The following EPHA5 variants were observed in gnomAD, a reference collection of about 807,000 sequenced individuals.
EPHA5 encodes ephrin type-A receptor 5.
In EPHA5, 60 loss-of-function variants were observed where a neutral mutation model predicts 105.0. The observed-to-expected ratio is 0.57, with a 90% CI of 0.46 to 0.71. EPHA5 has a LOEUF of 0.71. EPHA5 is among the 30% of genes least tolerant of loss of function. The pLI, the probability that EPHA5 is intolerant of heterozygous loss-of-function variation, is 0.00. For synonymous variants in EPHA5, 513 were observed against 449.1 expected, an observed-to-expected ratio of 1.14 and a Z score of -1.80; for missense variants, 1,218 against 1,274.7, an observed-to-expected ratio of 0.96 and a Z score of 0.68.
At chr4:65,393,810 A>G (rs1440407262) in intron 8 of EPHA5, among the ~76,000 whole-genome samples, 2 of 152,172 alleles carry the variant, frequency 1.3e-5, no homozygotes, top group Non-Finnish European at 2.9e-5. Context: ...TAAATCCAAG[A>G]CAACAACATA....
At chr4:65,562,693 CA>C (rs1473970624) in intron 3 of EPHA5, among the ~76,000 whole-genome samples, 1 of 151,998 alleles carries the variant, frequency 6.6e-6, no homozygotes, top group African/African-American at 2.4e-5. Context: ...TTACAATTCT[CA>C]AAAGGCAAGA....
intron 1 of EPHA5, among the ~76,000 whole-genome samples, chr4:65,658,468 C>A (rs550168657): frequency 2.0e-5 from 3 of 152,094 alleles, no homozygotes; most frequent in African/African-American, 7.2e-5. Context: ...TTTCCACTTG[C>A]AATGAATATT....
At chr4:65,492,449 G>A (rs747367837) in intron 4 of EPHA5, among the ~76,000 whole-genome samples, 4 of 145,708 alleles carry the variant, frequency 2.7e-5, no homozygotes, top group South Asian at 2.2e-4. Flanking sequence ...TGATCCACCC[G>A]CCTGGGCCTC....
At chr4:65,565,716 C>T (rs551821703) in intron 3 of EPHA5, among the ~76,000 whole-genome samples, 1 of 150,490 alleles carries the variant, frequency 6.6e-6, no homozygotes, top group African/African-American at 2.4e-5. Flanking sequence ...ATCTGTAAAG[C>T]TAGGAGGATG....
In EPHA5 at chr4:65,527,140, A is replaced by C. The variant is rs118100001; in HGVS notation, c.911-31597T>G. Among the ~76,000 whole-genome samples the C allele has an allele frequency of 9.1e-4, 138 of 152,154 alleles. 2 individuals carry two copies. The East Asian group carries it at 0.025, about 27-fold the overall frequency. On this transcript the variant is annotated intron_variant, in intron 3 of 16. Coordinates refer to ENST00000613740, the MANE Select transcript of EPHA5 (RefSeq NM_001281766.3). ...AAGACATTTGGCAGTATCTGCCTAA[A>C]TTTTACCTTTCTGCATATTTACTAT...
At chr4:65,394,343 G>T (rs1002720632) in intron 8 of EPHA5, among the ~76,000 whole-genome samples, 1 of 152,192 alleles carries the variant, frequency 6.6e-6, no homozygotes, top group Non-Finnish European at 1.5e-5. Flanking sequence ...TCTTGGGGAA[G>T]TTATATCCTA....
chr4:65,366,162 G>A (rs1335065037), intron 9 of EPHA5, 105 bp from the exon 10 acceptor site: 6 of 1,081,508 alleles, frequency 5.5e-6, no homozygotes, highest in East Asian at 5.0e-5. Flanking sequence ...ATTCCTGGAA[G>A]TATTCAAACT....
At chr4:65,569,066 C>A (rs1183427491) in intron 3 of EPHA5, among the ~76,000 whole-genome samples, 2 of 151,224 alleles carry the variant, frequency 1.3e-5, no homozygotes, top group Admixed American at 6.6e-5. Context: ...ACTTACTATG[C>A]AAACATGCCA....
chr4:65,457,465 C>G (rs1308733501), intron 5 of EPHA5, among the ~76,000 whole-genome samples: 1 of 152,006 alleles, frequency 6.6e-6, no homozygotes, highest in African/African-American at 2.4e-5. Flanking sequence ...TTCCTTTTCC[C>G]CTATTCTTCC....
intron 3 of EPHA5, among the ~76,000 whole-genome samples, chr4:65,513,575 G>C (rs1283509297): frequency 6.6e-6 from 1 of 151,842 alleles, no homozygotes; most frequent in Non-Finnish European, 1.5e-5. Flanking sequence ...TCAGTAGAGA[G>C]GGGGGTTTTA....
intron 12 of EPHA5, among the ~76,000 whole-genome samples, chr4:65,352,181 G>C (rs1467164335): frequency 1.3e-5 from 2 of 152,006 alleles, no homozygotes; most frequent in Non-Finnish European, 2.9e-5. Context: ...GTGACTCTAA[G>C]AGACTGGAGT....
intron 11 of EPHA5, among the ~76,000 whole-genome samples, chr4:65,361,359 G>T (rs1008375227): frequency 6.6e-6 from 1 of 151,576 alleles, no homozygotes; most frequent in African/African-American, 2.4e-5. Flanking sequence ...GAATAAGGTA[G>T]AGTTTTCCAG....
chr4:65,354,459 A>G (rs1025786132), intron 11 of EPHA5, among the ~76,000 whole-genome samples: 4 of 151,740 alleles, frequency 2.6e-5, no homozygotes, highest in African/African-American at 9.7e-5. Context: ...TTACTCTTTA[A>G]TAGAAACATA....
chr4:65,510,376 T>G (rs1429772860), intron 3 of EPHA5, among the ~76,000 whole-genome samples: 2 of 152,118 alleles, frequency 1.3e-5, no homozygotes, highest in Non-Finnish European at 2.9e-5. Flanking sequence ...GACTTTAATT[T>G]ACTAGTTTTT....
chr4:65,395,665 T>C (rs757667100), intron 8 of EPHA5, among the ~76,000 whole-genome samples: 1 of 152,256 alleles, frequency 6.6e-6, no homozygotes, highest in Non-Finnish European at 1.5e-5. Context: ...GAATAGAACA[T>C]AAGGAGAAAT....
At chr4:65,329,497 GC>G (rs1161577916) in intron 16 of EPHA5, among the ~76,000 whole-genome samples, 1 of 151,176 alleles carries the variant, frequency 6.6e-6, no homozygotes, top group Non-Finnish European at 1.5e-5. Flanking sequence ...CAAATTTGAT[GC>G]CACAAATTAC....
chr4:65,349,298 A>G (rs991276482), intron 13 of EPHA5, among the ~76,000 whole-genome samples: 1 of 151,472 alleles, frequency 6.6e-6, no homozygotes, highest in African/African-American at 2.4e-5. Flanking sequence ...TTGGGGGAAA[A>G]TCTTACTACA....
intron 2 of EPHA5, among the ~76,000 whole-genome samples, chr4:65,622,755 A>C (rs1455323615): frequency 1.3e-5 from 2 of 152,040 alleles, no homozygotes; most frequent in Admixed American, 1.3e-4. Flanking sequence ...TCCTGTATAA[A>C]TTCTAGGTGA....
intron 8 of EPHA5, among the ~76,000 whole-genome samples, chr4:65,395,200 G>A (rs1401894951): frequency 6.6e-6 from 1 of 152,186 alleles, no homozygotes; most frequent in Admixed American, 6.5e-5. Context: ...AAGTTATCAT[G>A]AAGGGACAGA....
Sources: gnomAD v4.1 joint callset for allele counts (sites outside exome capture counted in the v4.1 genomes callset) on GRCh38, gnomAD v4.1.1 for gene constraint, MANE v1.5 for transcripts, NCBI Gene and HGNC (gene_info 2026-07-23, HGNC 2026-07-21) for gene names.